Variants in MDH2 observed in about 807,000 individuals in gnomAD.
The protein encoded by MDH2 is malate dehydrogenase, mitochondrial.
A neutral mutation model predicts 33.6 loss-of-function variants in MDH2; 25 were observed. The ratio of observed to expected loss-of-function variants is 0.74; its 90% CI spans 0.54 to 1.04. MDH2 has a LOEUF of 1.04. Among genes scored for constraint, MDH2 ranks in the 50% least tolerant of loss-of-function variants. MDH2 has a pLI of 0.00. For synonymous variants in MDH2, 193 were observed against 188.7 expected (o/e 1.02, Z -0.19); for missense variants, 432 against 445.0 (o/e 0.97, Z 0.26).
At chr7:76,051,002 C>T (rs1216166107) in intron 1 of MDH2, among the ~76,000 whole-genome samples, 1 of 152,130 alleles carries the variant, frequency 6.6e-6, no homozygotes, top group African/African-American at 2.4e-5. Flanking sequence ...TCACCTCAGC[C>T]TCCTGAGTAG....
At chr7:76,056,227 ATATAT>A (rs1797776681) in intron 2 of MDH2, among the ~76,000 whole-genome samples, 4 of 152,306 alleles carry the variant, frequency 2.6e-5, no homozygotes, top group Admixed American at 6.5e-5. Context: ...GTAAATATAA[ATATAT>A]TAATGTAAGT....
chr7:76,056,976 G>C (rs1797804199), intron 2 of MDH2, among the ~76,000 whole-genome samples: 2 of 151,006 alleles, frequency 1.3e-5, no homozygotes, highest in Admixed American at 6.6e-5. Context: ...TCACACCACT[G>C]CACTCCAGCC....
At chr7:76,062,683 C>T (rs1554587180) in intron 5 of MDH2, among the ~76,000 whole-genome samples, 5 of 152,190 alleles carry the variant, frequency 3.3e-5, no homozygotes, top group South Asian at 2.1e-4. Context: ...GGGAAGCCAA[C>T]GCAGGAGGAT....
intron 5 of MDH2, among the ~76,000 whole-genome samples, chr7:76,060,716 T>C (rs1797923537): frequency 6.6e-6 from 1 of 152,020 alleles, no homozygotes; most frequent in Admixed American, 6.6e-5. Context: ...GGCCAGTGTC[T>C]GTCTCCCGGC....
chr7:76,061,622 A>G (rs1554587022), intron 5 of MDH2, among the ~76,000 whole-genome samples: 1 of 152,032 alleles, frequency 6.6e-6, no homozygotes, highest in Non-Finnish European at 1.5e-5. Context: ...CCTGCGTGAC[A>G]GAGCAAGACC....
chr7:76,060,991 G>A (rs546736320), intron 5 of MDH2, among the ~76,000 whole-genome samples: 13 of 152,230 alleles, frequency 8.5e-5, no homozygotes, highest in South Asian at 8.3e-4. Flanking sequence ...TGGGTTGCCC[G>A]TGGTAGCTCA....
At chr7:76,052,806 T>C (rs1384718368) in intron 1 of MDH2, among the ~76,000 whole-genome samples, 2 of 152,056 alleles carry the variant, frequency 1.3e-5, no homozygotes, top group Non-Finnish European at 2.9e-5. Flanking sequence ...CCTCTCAGAG[T>C]GCTGGGATTA....
Position 76,050,569 on chromosome 7 carries a change from T to C in MDH2, c.66+2343T>C, listed in dbSNP as rs573864516. 2.6e-5 allele frequency among the ~76,000 whole-genome samples: 4 copies of C among 152,206 alleles called. No homozygotes were observed. The South Asian group carries it at 8.3e-4, about 32-fold the overall frequency. ...GTAACAGAACAGGCCTTGTAAAACT[T>C]TGGTATTTTCTCAGAAATGGGGCGG... On this transcript the variant is annotated intron_variant, in intron 1 of 8. Transcript: ENST00000315758.
chr7:76,048,413 G>A (rs2116626815), intron 1 of MDH2, 187 bp downstream of exon 1: 2 of 1,134,844 alleles, frequency 1.8e-6, no homozygotes, highest in African/African-American at 3.3e-5. Flanking sequence ...GGAGAAAGCC[G>A]GGGAAAAGGG....
At chr7:76,048,774 G>C in intron 1 of MDH2, 6 of 1,227,608 alleles carry the variant, frequency 4.9e-6, no homozygotes, top group Non-Finnish European at 6.1e-6. Context: ...AACCTTTTTG[G>C]AGGATCTCTC....
chr7:76,055,200 G>A (rs138979354), intron 2 of MDH2, among the ~76,000 whole-genome samples: 4 of 152,282 alleles, frequency 2.6e-5, no homozygotes, highest in Admixed American at 1.3e-4. Flanking sequence ...GAAATGTGAG[G>A]TAGCCTAATC....
intron 1 of MDH2, among the ~76,000 whole-genome samples, chr7:76,051,398 C>T (rs1217249664): frequency 4.0e-5 from 6 of 150,928 alleles, no homozygotes; most frequent in African/African-American, 1.5e-4. Flanking sequence ...CTCAGCTCAC[C>T]GCAACCTCCG....
At chr7:76,048,476 C>T in intron 1 of MDH2, 1 of 1,239,094 alleles carries the variant, frequency 8.1e-7, no homozygotes, top group Non-Finnish European at 1.1e-6. Context: ...TCCCCCAGGT[C>T]TCCCAGATTT....
In MDH2 at chr7:76,066,469, C is replaced by A; in HGVS notation, c.*59C>A. 6.5e-7 allele frequency: 1 copy of A among 1,544,114 alleles called. No individual in the cohort carries two copies. Among genetic ancestry groups the A allele is most frequent in the Non-Finnish European group, 8.7e-7 (1 of 1,143,292 alleles). ...ATGAAGGCATCATGTCACTGCAAAG[C>A]CGTTGCAGATAAACTTTGTATTTTA... On this transcript the variant is annotated 3_prime_UTR_variant, in exon 9 of 9. Transcript: ENST00000315758.
intron 2 of MDH2, among the ~76,000 whole-genome samples, chr7:76,057,012 CAA>C (rs55681261): frequency 2.5e-3 from 359 of 143,320 alleles, no homozygotes; most frequent in Middle Eastern, 3.6e-3. Context: ...GACTCCCTCT[CAA>C]AAAAAAAAAA....
In MDH2 at chr7:76,066,328, A is replaced by T. The variant is rs781941479; in HGVS notation, c.935A>T (p.Glu312Val). 4 of 1,611,292 alleles carry T rather than the reference A, an allele frequency of 2.5e-6. No individual in the cohort carries two copies. The part of the protein sequence containing the change: ...NLGIGKVSSF[E>V]EKMISDAIPE... ...GGCATCGGCAAAGTCTCCTCTTTTG[A>T]GGAGAAGATGATCTCGGATGCCATC... The change falls in exon 9 of 9, where the codon GAG becomes GTG. Residue 312 changes from glutamate to valine, a missense_variant. By Grantham distance (121) the Glu-to-Val change is moderately radical. Transcript: ENST00000315758.
intron 2 of MDH2, among the ~76,000 whole-genome samples, chr7:76,056,480 C>T (rs1190222560): frequency 6.6e-6 from 1 of 152,110 alleles, no homozygotes. Flanking sequence ...TATGTTCGTG[C>T]ACCTTCCAGA....
chr7:76,053,308 T>C (rs1483786474), intron 1 of MDH2, among the ~76,000 whole-genome samples: 1 of 152,012 alleles, frequency 6.6e-6, no homozygotes, highest in Non-Finnish European at 1.5e-5. Flanking sequence ...CTAACAGAAC[T>C]GGGAATGCAG....
chr7:76,065,891 C>T (rs1261128533), intron 8 of MDH2, among the ~76,000 whole-genome samples: 1 of 152,220 alleles, frequency 6.6e-6, no homozygotes, highest in Non-Finnish European at 1.5e-5. Context: ...CAGAAACAGG[C>T]TCTGTTGGGG....
Sources: gnomAD v4.1 joint callset for allele counts (sites outside exome capture counted in the v4.1 genomes callset) on GRCh38, gnomAD v4.1.1 for gene constraint, MANE v1.5 for transcripts, NCBI Gene and HGNC (gene_info 2026-07-23, HGNC 2026-07-21) for gene names.